Variants in APC2 observed in about 807,000 individuals in gnomAD.
The protein encoded by APC2 is adenomatous polyposis coli protein 2.
In APC2, 41 loss-of-function variants were observed where a neutral mutation model predicts 72.5. That is an observed-to-expected ratio of 0.57 (90% CI 0.44 to 0.73). The LOEUF (loss-of-function observed/expected upper bound fraction) is 0.73. APC2 is among the 30% of genes least tolerant of loss of function. The pLI is 0.00. For missense variants in APC2, 3,729 were observed against 3,403.4 expected, an observed-to-expected ratio of 1.10 and a Z score of -2.38; for synonymous variants, 1,898 against 1,612.0, an observed-to-expected ratio of 1.18 and a Z score of -4.25.
Position 1,465,864 on chromosome 19 carries a change from G to C in APC2, c.2563G>C (p.Asp855His), listed in dbSNP as rs750914919. 5 of 1,567,074 alleles carry C rather than the reference G, an allele frequency of 3.2e-6. No individual in the cohort carries two copies. The highest frequency in any genetic ancestry group is 4.3e-6 in the Non-Finnish European group (5 of 1,158,906). The change falls in exon 15 of 15, where the codon GAC (aspartate) becomes CAC (histidine). Residue 855 changes from aspartate (D) to histidine (H), a missense_variant. By Grantham distance (81) the Asp-to-His change is moderately conservative. Transcript: ENST00000590469. ...GCTGGCGCTTGCAGTGGCGCGCATCGACCAGCTGGTGGAGGACATCTCCGC... is the reference window on the plus strand; with the variant it reads ...GCTGGCGCTTGCAGTGGCGCGCATCCACCAGCTGGTGGAGGACATCTCCGC... ...AKLALAVARIDQLVEDISALH... is the reference protein window; with the variant it reads ...AKLALAVARIHQLVEDISALH...
In APC2 at chr19:1,456,162, T is replaced by G. The variant is rs1353877553; in HGVS notation, c.717+9T>G. On this transcript the variant is annotated intron_variant, in intron 7 of 14. Coordinates refer to ENST00000590469, the MANE Select transcript of APC2 (RefSeq NM_005883.3). ...AGCAGACGGAGCCCCAGGTACCGGGTGGGGCAGAGCCAGGGACCAGGGGTG... is the reference window on the plus strand; with the variant it reads ...AGCAGACGGAGCCCCAGGTACCGGGGGGGGCAGAGCCAGGGACCAGGGGTG... 4 of 1,580,402 alleles carry G rather than the reference T, an allele frequency of 2.5e-6. No homozygotes were observed. The Admixed American group carries it at 7.2e-5, about 29-fold the overall frequency.
intron 1 of APC2, among the ~76,000 whole-genome samples, 156 bp downstream of exon 1, chr19:1,450,494 C>T (rs1185260944): frequency 6.6e-6 from 1 of 152,214 alleles, no homozygotes; most frequent in African/African-American, 2.4e-5. Flanking sequence ...GTGAGCTGGG[C>T]GTCAGCGTTT....
intron 9 of APC2, chr19:1,457,623 A>C: frequency 2.0e-6 from 1 of 496,398 alleles, no homozygotes; most frequent in Non-Finnish European, 3.6e-6. Flanking sequence ...GCTTGAGCCC[A>C]GGAATTTGGG....
In APC2 at chr19:1,466,603, A is replaced by T; in HGVS notation, c.3302A>T (p.Glu1101Val). 1 of 1,549,090 alleles carries T rather than the reference A, an allele frequency of 6.5e-7. No homozygotes were observed. The highest frequency in any genetic ancestry group is 2.3e-5 in the East Asian group (1 of 42,830). Residue 1101 changes from glutamate (E) to valine (V), a missense_variant, in exon 15 of 15, where the codon GAG (glutamate) becomes GTG (valine). Transcript: ENST00000590469. ...DDSDSSLEGL[E>V]EAGPSEAELD... is the part of the protein sequence containing the mutation. ...AGTGACTCCTCCCTGGAGGGGCTGG[A>T]GGAGGCCGGCCCCAGCGAGGCTGAG...
At position 1,460,134 on chromosome 19, in the gene APC2, A is replaced by C. The variant is rs762684696; in HGVS notation, c.1304-47A>C. The C allele has an allele frequency of 2.5e-6, 4 of 1,610,252 alleles. No homozygotes were observed. The South Asian group carries it at 4.4e-5, about 18-fold the overall frequency. ...GGAGTGAGGTGGGGCGCTGGGCAGC[A>C]GGCAGGGTCATCCCTGCCACCCACC... On this transcript the variant is annotated intron_variant, in intron 10 of 14. Transcript: ENST00000590469.
rs2084036098 is a variant in APC2 at position 1,467,318 on chromosome 19, G to C, written c.4017G>C (p.Glu1339Asp). ...GCCCTCGCGGCGCCGCGGACCAGGA[G>C]CTGGAACTGCTGCGGGAGTGCCTGG... ...GSRPRGAADQELELLRECLGA... is the reference protein window; with the variant it reads ...GSRPRGAADQDLELLRECLGA... The change falls in exon 15 of 15, where the codon GAG (glutamate) becomes GAC (aspartate). Residue 1339 changes from glutamate (E) to aspartate (D), a missense_variant. Glu to Asp is a conservative substitution (Grantham distance 45). Transcript: ENST00000590469. The C allele has an allele frequency of 7.3e-7, 1 of 1,377,814 alleles. No individual in the cohort carries two copies. Among genetic ancestry groups the C allele is most frequent in the African/African-American group, 1.5e-5 (1 of 66,350 alleles). 85.3% of individuals were successfully genotyped at this position (1,377,814 alleles called of 1,614,324 possible). A position where few individuals can be genotyped will look rare whatever the true frequency, so the allele number is the denominator to read the frequency against.
rs1210177666 is a variant in APC2, at chr19:1,468,460, T to C, written c.5159T>C (p.Phe1720Ser). ...ASSESDSILSFVSGLSVGSTL... is the reference protein window; with the variant it reads ...ASSESDSILSSVSGLSVGSTL... ...TCCGAGTCCGACTCCATCCTGTCCT[T>C]CGTATCCGGGCTGTCAGTGGGATCC... Residue 1720 changes from phenylalanine (F) to serine (S), a missense_variant, in exon 15 of 15, where the codon TTC becomes TCC. Coordinates refer to ENST00000590469, the MANE Select transcript of APC2 (RefSeq NM_005883.3). 6.3e-7 allele frequency: 1 copy of C among 1,598,792 alleles called. No homozygotes were observed.
intron 4 of APC2, among the ~76,000 whole-genome samples, chr19:1,454,813 T>C (rs953613383): frequency 1.3e-5 from 2 of 152,174 alleles, no homozygotes; most frequent in Admixed American, 6.6e-5. Context: ...GTGATCCGCC[T>C]GCCTCAGCCT....
rs1306191793 is a variant in APC2 at position 1,469,851 on chromosome 19, C to T, written c.6550C>T (p.Arg2184Cys). 2 of 1,520,674 alleles carry T rather than the reference C, an allele frequency of 1.3e-6. No individual in the cohort carries two copies. The highest frequency in any genetic ancestry group is 8.8e-7 in the Non-Finnish European group (1 of 1,141,222). 94.2% of individuals were successfully genotyped at this position (1,520,674 alleles called of 1,614,324 possible). Residue 2184 changes from arginine (R) to cysteine (C), a missense_variant, in exon 15 of 15, where the codon CGC (arginine) becomes TGC (cysteine). Transcript: ENST00000590469. ...GGACGCCCCGGCCGGGCCCCCGCCG[C>T]GCAAGACCAGCGACGCCGTGGTCCA... is the stretch of plus-strand genomic sequence containing the variant. ...PEDAPAGPPP[R>C]KTSDAVVQTE...
chr19:1,455,291 C>T (rs1478739145), intron 5 of APC2, 34 bp downstream of exon 5: 6 of 1,574,388 alleles, frequency 3.8e-6, no homozygotes, highest in Non-Finnish European at 4.3e-6. Flanking sequence ...GGCAGCGCGC[C>T]CGCCCCACTC....
chr19:1,461,808 C>T (rs1396335044), intron 13 of APC2, 155 bp from the exon 14 acceptor site: 7 of 640,472 alleles, frequency 1.1e-5, no homozygotes, highest in East Asian at 2.8e-5. Context: ...GTCGAGATCT[C>T]GCCACTGCAC....
chr19:1,460,739 G>A (rs892289311), intron 11 of APC2, 41 bp from the exon 12 acceptor site: 36 of 1,596,080 alleles, frequency 2.3e-5, no homozygotes, highest in Admixed American at 3.4e-5. Flanking sequence ...AGTCTCCCTT[G>A]TGTCCCAACC....
chr19:1,462,184 C>CG lies in APC2; in HGVS notation c.1853+7_1853+8insG. On this transcript the variant is annotated splice_region_variant and intron_variant, in intron 14 of 14. Transcript: ENST00000590469. ...CCACCCGTGAGGACTACAGGTCGGC[C>CG]CCCACCCCCCCACCCGCACACAGGC... is the stretch of plus-strand genomic sequence containing the variant. 6.9e-7 allele frequency: 1 copy of CG among 1,454,612 alleles called. No individual in the cohort carries two copies. Among genetic ancestry groups the CG allele is most frequent in the Non-Finnish European group, 9.3e-7 (1 of 1,080,812 alleles). 90.1% of individuals were successfully genotyped at this position (1,454,612 alleles called of 1,614,324 possible).
chr19:1,455,090 T>G (rs973254541), intron 4 of APC2, 59 bp from the exon 5 acceptor site: 11 of 1,120,074 alleles, frequency 9.8e-6, no homozygotes, highest in Admixed American at 3.1e-5. Flanking sequence ...ATTACAAATA[T>G]CAAAATAAAC....
chr19:1,458,844 T>C (rs1304555725), intron 10 of APC2, among the ~76,000 whole-genome samples: 1 of 151,886 alleles, frequency 6.6e-6, no homozygotes, highest in Non-Finnish European at 1.5e-5. Flanking sequence ...CCCCCACACC[T>C]GACTAATTTT....
upstream of APC2, among the ~76,000 whole-genome samples, chr19:1,447,735 C>T (rs964978474): frequency 6.6e-6 from 1 of 152,132 alleles, no homozygotes; most frequent in Admixed American, 6.5e-5. Flanking sequence ...GGGTCTCAGC[C>T]CCCATGTACC....
intron 1 of APC2, among the ~76,000 whole-genome samples, chr19:1,450,646 T>A (rs1199691737): frequency 6.6e-6 from 1 of 152,148 alleles, no homozygotes; most frequent in African/African-American, 2.4e-5. Flanking sequence ...TTTCCCTCTC[T>A]GGAAAGAGGG....
At chr19:1,461,707 C>T in intron 13 of APC2, 1 of 493,182 alleles carries the variant, frequency 2.0e-6, no homozygotes, top group Non-Finnish European at 3.6e-6. Flanking sequence ...AAAAAATTAG[C>T]CGGGCGTGGT....
Position 1,468,629 on chromosome 19 carries a change from C to T in APC2, c.5328C>T (p.Gly1776=), listed in dbSNP as rs969765194. ...RSPAGPEKPR[G]TQKTTPGVPA... The stretch of plus-strand genomic sequence containing the variant: ...CTGCAGGCCCCGAGAAGCCACGTGG[C>T]ACACAGAAGACCACGCCCGGGGTGC... The change falls in exon 15 of 15, where the codon GGC becomes GGT. Residue 1776 remains glycine (G), a synonymous_variant. Coordinates refer to ENST00000590469, the MANE Select transcript of APC2 (RefSeq NM_005883.3). 1 of 1,601,256 alleles carries T rather than the reference C, an allele frequency of 6.2e-7. No individual in the cohort carries two copies. The highest frequency in any genetic ancestry group is 1.3e-5 in the African/African-American group (1 of 74,726).
Sources: gnomAD v4.1 joint callset for allele counts (sites outside exome capture counted in the v4.1 genomes callset) on GRCh38, gnomAD v4.1.1 for gene constraint, MANE v1.5 for transcripts, NCBI Gene and HGNC (gene_info 2026-07-23, HGNC 2026-07-21) for gene names.